Variants in NLGN1 observed in about 807,000 individuals in gnomAD.
NLGN1 encodes neuroligin 1.
In NLGN1, 12 loss-of-function variants were observed where a neutral mutation model predicts 65.5. That is an observed-to-expected ratio of 0.18 (90% CI 0.12 to 0.30). NLGN1 has a LOEUF of 0.30. Ranked by LOEUF, NLGN1 falls within the 10% of genes least tolerant of loss-of-function variation. NLGN1 has a pLI of 1.00. For synonymous variants in NLGN1, 350 were observed against 359.5 expected, an observed-to-expected ratio of 0.97 and a Z score of 0.30; for missense variants, 750 against 1,007.1, an observed-to-expected ratio of 0.74 and a Z score of 3.46.
At chr3:173,919,157 A>G (rs1041693438) in intron 4 of NLGN1, among the ~76,000 whole-genome samples, 4 of 135,854 alleles carry the variant, frequency 2.9e-5, no homozygotes, top group African/African-American at 1.2e-4. Flanking sequence ...TAACTTAATC[A>G]TATCTGCAAA....
chr3:173,709,781 C>T (rs1166669355), intron 3 of NLGN1, among the ~76,000 whole-genome samples: 2 of 110,024 alleles, frequency 1.8e-5, no homozygotes, highest in South Asian at 5.8e-4. Flanking sequence ...ACAGCCTGGG[C>T]AACGAGAGCG....
chr3:173,495,381 G>T (rs1016605295), intron 2 of NLGN1, among the ~76,000 whole-genome samples: 1 of 151,466 alleles, frequency 6.6e-6, no homozygotes, highest in Non-Finnish European at 1.5e-5. Flanking sequence ...TATCAATTTT[G>T]TACATTCCTT....
chr3:174,038,073 G>A (rs1055111046), intron 4 of NLGN1, among the ~76,000 whole-genome samples: 4 of 152,090 alleles, frequency 2.6e-5, no homozygotes, highest in Admixed American at 2.6e-4. Flanking sequence ...ATGTTATGAG[G>A]CATGAAGCCT....
At chr3:173,964,522 T>G (rs1714361510) in intron 4 of NLGN1, among the ~76,000 whole-genome samples, 1 of 152,172 alleles carries the variant, frequency 6.6e-6, no homozygotes, top group Non-Finnish European at 1.5e-5. Flanking sequence ...GACTCAAGCT[T>G]ATACTTTCTG....
intron 3 of NLGN1, among the ~76,000 whole-genome samples, chr3:173,694,802 G>A (rs1042954057): frequency 2.0e-5 from 3 of 152,100 alleles, no homozygotes; most frequent in African/African-American, 7.2e-5. Flanking sequence ...TTTATTGACT[G>A]TGACAAGACA....
At chr3:173,589,396 G>A (rs963391032) in intron 2 of NLGN1, among the ~76,000 whole-genome samples, 1 of 152,138 alleles carries the variant, frequency 6.6e-6, no homozygotes, top group Non-Finnish European at 1.5e-5. Context: ...GCTGTAGGTG[G>A]TGCTTCATTA....
intron 2 of NLGN1, among the ~76,000 whole-genome samples, chr3:173,602,821 T>C (rs1163467457): frequency 6.6e-6 from 1 of 152,042 alleles, no homozygotes; most frequent in Non-Finnish European, 1.5e-5. Context: ...GTCAGCATTA[T>C]ATACACTTTA....
chr3:173,826,785 A>T (rs1721418675), intron 4 of NLGN1, among the ~76,000 whole-genome samples: 1 of 152,148 alleles, frequency 6.6e-6, no homozygotes, highest in Middle Eastern at 3.4e-3. Flanking sequence ...ATACTGGTAA[A>T]TGCATTCTCC....
intron 4 of NLGN1, among the ~76,000 whole-genome samples, chr3:173,919,506 G>T (rs1428823237): frequency 6.6e-6 from 1 of 152,156 alleles, no homozygotes; most frequent in African/African-American, 2.4e-5. Flanking sequence ...TTTCACAGAA[G>T]AGGAAACAGG....
chr3:173,527,370 T>G (rs1179928118), intron 2 of NLGN1, among the ~76,000 whole-genome samples: 1 of 152,188 alleles, frequency 6.6e-6, no homozygotes, highest in African/African-American at 2.4e-5. Context: ...ATTTGAGAAA[T>G]ACCTATTCAG....
At chr3:173,969,976 G>A (rs1370935615) in intron 4 of NLGN1, among the ~76,000 whole-genome samples, 1 of 150,878 alleles carries the variant, frequency 6.6e-6, no homozygotes, top group Non-Finnish European at 1.5e-5. Flanking sequence ...TTATATAACT[G>A]TAATATTTTT....
At chr3:173,550,784 G>T (rs139383762) in intron 2 of NLGN1, among the ~76,000 whole-genome samples, 4 of 152,174 alleles carry the variant, frequency 2.6e-5, no homozygotes, top group African/African-American at 9.6e-5. Flanking sequence ...TTAAACAGCA[G>T]AATGCAAACT....
chr3:173,815,037 CCTTT>C lies in NLGN1; in HGVS notation c.646+7214_646+7217del, dbSNP rs1341302375. Among the ~76,000 whole-genome samples the C allele has an allele frequency of 3.4e-4, 51 of 149,636 alleles. 1 individual carries two copies. Among genetic ancestry groups the C allele is most frequent in the East Asian group, 2.0e-4 (1 of 5,116 alleles). ...TTTTCTTTCCTTTCCCTTTCTTTTC[CCTTT>C]CTTTCTTTTTCTTTCTCTCCTTCCT... On this transcript the variant is annotated intron_variant, in intron 4 of 6. Transcript: ENST00000457714.
At chr3:173,793,275 A>G (rs1419084848) in intron 3 of NLGN1, among the ~76,000 whole-genome samples, 2 of 152,264 alleles carry the variant, frequency 1.3e-5, no homozygotes, top group East Asian at 3.9e-4. Context: ...CTAACAGTAG[A>G]GAGTATTTAA....
chr3:173,650,305 T>C (rs551737341), intron 3 of NLGN1, among the ~76,000 whole-genome samples: 88 of 152,278 alleles, frequency 5.8e-4, no homozygotes, highest in African/African-American at 1.9e-3. Context: ...GATGGCACAA[T>C]GAATAAACTC....
chr3:173,859,568 C>T (rs964400777), intron 4 of NLGN1, among the ~76,000 whole-genome samples: 1 of 151,960 alleles, frequency 6.6e-6, no homozygotes, highest in African/African-American at 2.4e-5. Flanking sequence ...GAAATAACAG[C>T]AAAAGAGTCA....
At chr3:173,439,274 C>T (rs2148787288) in intron 2 of NLGN1, among the ~76,000 whole-genome samples, 1 of 152,190 alleles carries the variant, frequency 6.6e-6, no homozygotes. Flanking sequence ...TGTTGAGGCT[C>T]ATTGTTGAGT....
chr3:173,772,000 T>C (rs1346006480), intron 3 of NLGN1, among the ~76,000 whole-genome samples: 2 of 152,048 alleles, frequency 1.3e-5, no homozygotes, highest in Non-Finnish European at 2.9e-5. Flanking sequence ...TTTAAAATTA[T>C]ATAATTCTCT....
At chr3:174,100,368 A>C (rs2152573415) in intron 4 of NLGN1, among the ~76,000 whole-genome samples, 1 of 152,252 alleles carries the variant, frequency 6.6e-6, no homozygotes, top group South Asian at 2.1e-4. Flanking sequence ...AATTTAATTA[A>C]ACATATTTTA....
Sources: allele counts gnomAD v4.1 joint callset (sites outside exome capture counted in the v4.1 genomes callset), GRCh38; gene constraint gnomAD v4.1.1; transcripts MANE v1.5; gene names NCBI Gene and HGNC (gene_info 2026-07-23, HGNC 2026-07-21).